DGKB: variants seen among roughly 807,000 people sequenced by gnomAD.
DGKB encodes the protein 90 kDa diacylglycerol kinase.
Under a neutral mutation model 114.3 loss-of-function variants are expected in DGKB, and 67 were observed. The ratio of observed to expected loss-of-function variants is 0.59; its 90% confidence interval spans 0.48 to 0.72. DGKB has a LOEUF of 0.72. Ranked by LOEUF, DGKB falls within the 30% of genes least tolerant of loss-of-function variation. The pLI is 0.00. For missense variants in DGKB, 907 were observed against 975.2 expected (o/e 0.93, Z 0.93); for synonymous variants, 398 against 323.1 (o/e 1.23, Z -2.49).
intron 23 of DGKB, among the ~76,000 whole-genome samples, chr7:14,286,658 A>G (rs1261732318): frequency 6.6e-6 from 1 of 152,122 alleles, no homozygotes; most frequent in East Asian, 1.9e-4. Context: ...ATATGCTATA[A>G]AATACATGTT....
At chr7:14,521,937 T>C (rs1789838642) in intron 20 of DGKB, among the ~76,000 whole-genome samples, 1 of 152,186 alleles carries the variant, frequency 6.6e-6, no homozygotes, top group African/African-American at 2.4e-5. Context: ...ATTTTGTAAT[T>C]TTGCCTGGAC....
intron 1 of DGKB, among the ~76,000 whole-genome samples, chr7:14,953,692 G>A (rs1786336749): frequency 6.6e-6 from 1 of 152,042 alleles, no homozygotes; most frequent in Admixed American, 6.6e-5. Flanking sequence ...TCTGCTCTTA[G>A]GTGTAGACCC....
At chr7:14,353,481 C>T (rs1813860274) in intron 21 of DGKB, among the ~76,000 whole-genome samples, 1 of 152,118 alleles carries the variant, frequency 6.6e-6, no homozygotes, top group Admixed American at 6.6e-5. Flanking sequence ...AAGCAGCCTT[C>T]TTGCCCCTAT....
intron 21 of DGKB, among the ~76,000 whole-genome samples, chr7:14,442,684 T>C (rs1830233986): frequency 6.6e-6 from 1 of 152,124 alleles, no homozygotes; most frequent in South Asian, 2.1e-4. Context: ...TTACCACATA[T>C]TATTTCTAAC....
chr7:14,509,543 C>A (rs1447048165), intron 20 of DGKB, among the ~76,000 whole-genome samples: 1 of 152,194 alleles, frequency 6.6e-6, no homozygotes, highest in Non-Finnish European at 1.5e-5. Context: ...AGGAAATTCA[C>A]AGAAACCGCC....
chr7:14,526,755 C>A (rs540625044), intron 20 of DGKB, among the ~76,000 whole-genome samples: 3 of 151,956 alleles, frequency 2.0e-5, no homozygotes, highest in Non-Finnish European at 4.4e-5. Flanking sequence ...TAATGCAGTT[C>A]GTAATAGAGA....
intron 1 of DGKB, among the ~76,000 whole-genome samples, chr7:14,844,398 G>T (rs1198893485): frequency 6.6e-6 from 1 of 152,158 alleles, no homozygotes; most frequent in Admixed American, 6.5e-5. Context: ...TCCACCACCT[G>T]TTTTTGTAAA....
intron 21 of DGKB, among the ~76,000 whole-genome samples, chr7:14,437,976 C>A (rs1024511078): frequency 1.3e-5 from 2 of 151,488 alleles, no homozygotes; most frequent in Non-Finnish European, 2.9e-5. Context: ...TTCATTGCTG[C>A]GTTACAGAAT....
intron 21 of DGKB, among the ~76,000 whole-genome samples, chr7:14,371,305 C>T (rs1290445557): frequency 6.6e-6 from 1 of 152,156 alleles, no homozygotes; most frequent in African/African-American, 2.4e-5. Context: ...AGCAAGCATT[C>T]CCTTTTCTCT....
At chr7:14,589,671 A>C (rs1801356212) in intron 17 of DGKB, among the ~76,000 whole-genome samples, 1 of 152,010 alleles carries the variant, frequency 6.6e-6, no homozygotes, top group African/African-American at 2.4e-5. Context: ...TCTGTCCTTT[A>C]ATCGGTTAGT....
intron 6 of DGKB, among the ~76,000 whole-genome samples, chr7:14,704,863 T>TG (rs1303823520): frequency 6.6e-6 from 1 of 151,764 alleles, no homozygotes; most frequent in Non-Finnish European, 1.5e-5. Flanking sequence ...ACCACAAAGA[T>TG]GGGGAAAAAA....
chr7:14,646,260 C>T (rs538588131), intron 13 of DGKB, among the ~76,000 whole-genome samples: 1 of 152,004 alleles, frequency 6.6e-6, no homozygotes, highest in Non-Finnish European at 1.5e-5. Flanking sequence ...AGTCAAAAAA[C>T]ATAAAAACAG....
At chr7:14,719,909 G>T (rs558799354) in intron 5 of DGKB, among the ~76,000 whole-genome samples, 1 of 152,258 alleles carries the variant, frequency 6.6e-6, no homozygotes, top group East Asian at 1.9e-4. Context: ...CTGTGAGGTA[G>T]AGTGCATTTT....
chr7:14,368,674 G>C (rs1248092148), intron 21 of DGKB, among the ~76,000 whole-genome samples: 2 of 151,940 alleles, frequency 1.3e-5, no homozygotes, highest in Non-Finnish European at 2.9e-5. Flanking sequence ...CTACGACAAA[G>C]TTACTGAATA....
At chr7:14,669,946 T>C (rs1160198393) in intron 13 of DGKB, among the ~76,000 whole-genome samples, 1 of 152,124 alleles carries the variant, frequency 6.6e-6, no homozygotes, top group Non-Finnish European at 1.5e-5. Flanking sequence ...AGTAACATGA[T>C]GTTAAACAAT....
At chr7:14,900,970 G>A (rs1040533602) in intron 1 of DGKB, among the ~76,000 whole-genome samples, 24 of 151,946 alleles carry the variant, frequency 1.6e-4, no homozygotes, top group African/African-American at 4.1e-4. Context: ...TAGACTTTTC[G>A]TTTTCTTTCT....
At chr7:14,259,394 T>C (rs1796410487) in intron 23 of DGKB, among the ~76,000 whole-genome samples, 1 of 96,618 alleles carries the variant, frequency 1.0e-5, no homozygotes, top group South Asian at 3.1e-4. Context: ...TCTCTCTCTC[T>C]CTCTCTCTCT....
intron 23 of DGKB, among the ~76,000 whole-genome samples, chr7:14,304,899 G>C (rs1317748439): frequency 3.3e-5 from 5 of 151,996 alleles, no homozygotes; most frequent in Non-Finnish European, 4.4e-5. Context: ...TTTTAGCTTT[G>C]GAGTTTACAC....
rs910656182 is a variant in DGKB at position 14,803,829 on chromosome 7, C to G, written c.70+37365G>C. Among the ~76,000 whole-genome samples the G allele has an allele frequency of 1.2e-4, 18 of 151,990 alleles. 1 individual carries two copies. The highest frequency in any genetic ancestry group is 9.9e-4 in the Admixed American group (15 of 15,216). ...GTTACTTACCCTTATATGCTTAATA[C>G]AAATAATCAATATAATTTTCAACGA... On this transcript the variant is annotated intron_variant, in intron 2 of 25. Transcript: ENST00000402815.
Sources: gnomAD v4.1 joint callset for allele counts (sites outside exome capture counted in the v4.1 genomes callset) on GRCh38, gnomAD v4.1.1 for gene constraint, MANE v1.5 for transcripts, NCBI Gene and HGNC (gene_info 2026-07-23, HGNC 2026-07-21) for gene names.